The following FRYL variants were observed in gnomAD, a reference collection of about 807,000 sequenced individuals.
The protein encoded by FRYL is FRY like transcription coactivator, also known as protein furry homolog-like.
In FRYL, 150 loss-of-function variants were observed where a neutral mutation model predicts 351.2. That is an observed-to-expected ratio of 0.43 (90% CI 0.37 to 0.49). The LOEUF (loss-of-function observed/expected upper bound fraction) is 0.49. FRYL is among the 20% of genes least tolerant of loss of function. FRYL has a pLI of 0.00. For missense variants in FRYL, 3,036 were observed against 3,619.3 expected (o/e 0.84, Z 4.13); for synonymous variants, 1,153 against 1,257.1 (o/e 0.92, Z 1.75).
intron 2 of FRYL, among the ~76,000 whole-genome samples, chr4:48,688,261 A>T (rs1303517988): frequency 6.6e-6 from 1 of 152,198 alleles, no homozygotes. Flanking sequence ...AAATGACACA[A>T]GTGTTCTGAC....
chr4:48,505,676 T>C, intron 59 of FRYL, 61 bp from the exon 60 acceptor site: 1 of 1,018,690 alleles, frequency 9.8e-7, no homozygotes, highest in South Asian at 1.4e-5. Context: ...TAACAGCCTG[T>C]CCATATACAA....
chr4:48,560,469 G>C (rs7689293), intron 33 of FRYL, among the ~76,000 whole-genome samples: 149,826 of 152,278 alleles, frequency 0.98, 73,743 homozygotes, highest in East Asian at 1. Flanking sequence ...TGGGCATGGT[G>C]GACACCTGTA....
In FRYL at chr4:48,772,835, C is replaced by T. The variant is rs148541495; in HGVS notation, c.-384+7243G>A. 2.6e-4 allele frequency among the ~76,000 whole-genome samples: 40 copies of T among 152,178 alleles called. No homozygotes were observed. The East Asian group carries it at 7.3e-3, about 28-fold the overall frequency. On this transcript the variant is annotated intron_variant, in intron 1 of 63. Transcript: ENST00000358350. ...GCAGTAAGTAAACAAACTAATGTTC[C>T]TTTTTCATCAACTTTCAGATGCTTT...
At chr4:48,722,632 TA>T (rs1769617155) in intron 1 of FRYL, among the ~76,000 whole-genome samples, 1 of 152,200 alleles carries the variant, frequency 6.6e-6, no homozygotes, top group South Asian at 2.1e-4. Context: ...AAAACGTTAG[TA>T]ATAAAAGGAG....
intron 3 of FRYL, among the ~76,000 whole-genome samples, chr4:48,676,892 A>G (rs1763793382): frequency 6.6e-6 from 1 of 152,270 alleles, no homozygotes; most frequent in Non-Finnish European, 1.5e-5. Context: ...TTATTGAATT[A>G]TGTAATATTT....
chr4:48,718,277 GTAATT>G (rs1049668355), intron 1 of FRYL, among the ~76,000 whole-genome samples: 6 of 151,596 alleles, frequency 4.0e-5, no homozygotes, highest in African/African-American at 1.5e-4. Context: ...ATTAAATCAT[GTAATT>G]TAATTAAGGC....
chr4:48,524,221 T>G (rs1560535126), intron 53 of FRYL, among the ~76,000 whole-genome samples: 2 of 151,362 alleles, frequency 1.3e-5, no homozygotes, highest in Non-Finnish European at 2.9e-5. Flanking sequence ...TTATTTCAAA[T>G]GAAATTTTAG....
chr4:48,520,305 G>C (rs1311168375), intron 55 of FRYL, among the ~76,000 whole-genome samples: 1 of 152,090 alleles, frequency 6.6e-6, no homozygotes, highest in Non-Finnish European at 1.5e-5. Context: ...ATGTACAAGA[G>C]TCAGCCTAAC....
intron 58 of FRYL, 91 bp from the exon 59 acceptor site, chr4:48,510,248 C>T (rs1334762087): frequency 1.6e-5 from 15 of 934,802 alleles, no homozygotes; most frequent in Non-Finnish European, 2.4e-5. Context: ...CATGGAATAG[C>T]TGTTAGTTGG....
rs1718743601 is a variant in FRYL, at chr4:48,497,770, C to G, written c.*1652G>C. 1 of 152,476 alleles carries G rather than the reference C, an allele frequency of 6.6e-6. No individual in the cohort carries two copies. The highest frequency in any genetic ancestry group is 1.5e-5 in the Non-Finnish European group (1 of 68,008). The allele number at this position is 152,476 out of a possible 1,614,324, so 9.4% of individuals were successfully genotyped here. A position where few individuals can be genotyped will look rare whatever the true frequency, so the allele number is the denominator to read the frequency against. ...TCAAAATAATTGTCTTTATCAGGGT[C>G]AAAAAATACAGTGATTATGAATGAG... On this transcript the variant is annotated 3_prime_UTR_variant, in exon 64 of 64. Transcript: ENST00000358350.
At chr4:48,516,954 G>C (rs574849098) in intron 55 of FRYL, among the ~76,000 whole-genome samples, 5 of 152,102 alleles carry the variant, frequency 3.3e-5, no homozygotes, top group Non-Finnish European at 7.4e-5. Context: ...CAGGGAAAGT[G>C]ATTAGAAGAT....
At chr4:48,634,708 A>C (rs1753892344) in intron 3 of FRYL, among the ~76,000 whole-genome samples, 1 of 152,072 alleles carries the variant, frequency 6.6e-6, no homozygotes, top group Admixed American at 6.6e-5. Context: ...CTATCCTACT[A>C]ATGTGAATAT....
At chr4:48,677,368 A>T (rs1425311182) in intron 3 of FRYL, among the ~76,000 whole-genome samples, 2 of 152,004 alleles carry the variant, frequency 1.3e-5, no homozygotes, top group Non-Finnish European at 2.9e-5. Context: ...TTACAATCTT[A>T]CCTAAAATAT....
intron 3 of FRYL, among the ~76,000 whole-genome samples, chr4:48,676,441 T>C (rs1324207953): frequency 1.3e-5 from 2 of 152,172 alleles, no homozygotes; most frequent in Non-Finnish European, 2.9e-5. Flanking sequence ...GGTCCGCGGC[T>C]TCATTCTTGA....
intron 1 of FRYL, among the ~76,000 whole-genome samples, chr4:48,764,518 G>A (rs541043484): frequency 8.1e-5 from 12 of 147,504 alleles, no homozygotes; most frequent in African/African-American, 2.2e-4. Flanking sequence ...ACAACAAAGC[G>A]AGACTCTGTT....
intron 1 of FRYL, among the ~76,000 whole-genome samples, chr4:48,715,215 G>A (rs1475938900): frequency 1.3e-5 from 2 of 151,354 alleles, no homozygotes; most frequent in South Asian, 2.1e-4. Flanking sequence ...ACTGGCACAA[G>A]ACAGGGATGC....
intron 1 of FRYL, among the ~76,000 whole-genome samples, chr4:48,758,830 C>T (rs1469906396): frequency 3.9e-5 from 6 of 152,172 alleles, no homozygotes; most frequent in Non-Finnish European, 7.3e-5. Context: ...TGGAACCAAC[C>T]CAAATGTCCA....
chr4:48,545,500 C>T (rs1731145948), intron 42 of FRYL, among the ~76,000 whole-genome samples: 2 of 152,082 alleles, frequency 1.3e-5, no homozygotes. Context: ...TGCCTCCCAC[C>T]CTCCTCCCAG....
At chr4:48,533,362 A>G (rs1012003283) in intron 49 of FRYL, among the ~76,000 whole-genome samples, 7 of 152,150 alleles carry the variant, frequency 4.6e-5, no homozygotes, top group Non-Finnish European at 7.4e-5. Context: ...GAAGGATAAG[A>G]CACAAGATAA....
Sources: gnomAD v4.1 joint callset for allele counts (sites outside exome capture counted in the v4.1 genomes callset) on GRCh38, gnomAD v4.1.1 for gene constraint, MANE v1.5 for transcripts, NCBI Gene and HGNC (gene_info 2026-07-23, HGNC 2026-07-21) for gene names.